The following CRTAC1 variants were observed in gnomAD, a reference collection of about 807,000 sequenced individuals.
CRTAC1 encodes cartilage acidic protein 1, also known as acidic secreted protein in cartilage.
CRTAC1 carries 37 observed loss-of-function variants against 67.8 expected under a neutral mutation model. The ratio of observed to expected loss-of-function variants is 0.55; its 90% CI spans 0.42 to 0.72. CRTAC1 has a LOEUF of 0.72. CRTAC1 is among the 30% of genes least tolerant of loss of function. The pLI, the probability that CRTAC1 is intolerant of heterozygous loss-of-function variation, is 0.00. For missense variants in CRTAC1, 780 were observed against 931.6 expected (o/e 0.84, Z 2.12); for synonymous variants, 348 against 371.0 (o/e 0.94, Z 0.71).
At chr10:97,961,494 C>T (rs1411981649) in intron 2 of CRTAC1, among the ~76,000 whole-genome samples, 3 of 152,000 alleles carry the variant, frequency 2.0e-5, no homozygotes, top group Non-Finnish European at 4.4e-5. Flanking sequence ...AATATATGAG[C>T]TATATTAGAA....
Position 97,944,901 on chromosome 10 carries a change from A to G in CRTAC1, c.225-8535T>C, listed in dbSNP as rs188015500. On this transcript the variant is annotated intron_variant, in intron 2 of 14. Transcript: ENST00000370597. ...TGATATGTGAGCAAGAACTTCTCAA[A>G]TCTTCCAGCCTAGCTCACTGACAGC... 7.9e-5 allele frequency among the ~76,000 whole-genome samples: 12 copies of G among 152,282 alleles called. 1 individual carries two copies. Among genetic ancestry groups the G allele is most frequent in the Non-Finnish European group, 1.5e-5 (1 of 68,032 alleles).
intron 11 of CRTAC1, among the ~76,000 whole-genome samples, chr10:97,894,729 T>A (rs543260306): frequency 4.4e-5 from 1 of 22,968 alleles, no homozygotes; most frequent in East Asian, 1.5e-3. Context: ...TATATATATA[T>A]ATATATATAT....
chr10:98,030,433 C>T lies in CRTAC1; in HGVS notation c.24+16G>A, dbSNP rs967552723. ...TTCTCCGCCTTAGGGTGGGGGGCAC[C>T]GGTGCAGATACTCACGCCGGGGTCA... On this transcript the variant is annotated intron_variant, in intron 1 of 14. Coordinates refer to ENST00000370597, the MANE Select transcript of CRTAC1 (RefSeq NM_018058.7). The surrounding 1 kb of genome is among the most constrained non-coding windows in gnomAD (Gnocchi z 4.2). The T allele has an allele frequency of 1.2e-5, 15 of 1,248,494 alleles. No individual in the cohort carries two copies. The African/African-American group carries it at 1.9e-4, about 15-fold the overall frequency. 77.3% of individuals were successfully genotyped at this position (1,248,494 alleles called of 1,614,324 possible).
intron 2 of CRTAC1, among the ~76,000 whole-genome samples, chr10:97,971,493 G>A (rs1307624040): frequency 3.9e-5 from 6 of 152,180 alleles, no homozygotes; most frequent in Non-Finnish European, 8.8e-5. Context: ...GGCTGCCAGG[G>A]GCCGGCGCGA....
At chr10:97,884,458 C>T in intron 11 of CRTAC1, 107 bp from the exon 12 acceptor site, 2 of 1,088,460 alleles carry the variant, frequency 1.8e-6, no homozygotes, top group Non-Finnish European at 2.7e-6. Flanking sequence ...ATGAATTGAG[C>T]ACTGTTCTAA....
chr10:97,904,250 C>T (rs2050578934), intron 7 of CRTAC1, among the ~76,000 whole-genome samples: 1 of 152,012 alleles, frequency 6.6e-6, no homozygotes, highest in Admixed American at 6.5e-5. Context: ...AGTCCCTCGT[C>T]CCCTGGTGTA....
At chr10:97,909,204 C>G (rs1437189720) in intron 5 of CRTAC1, among the ~76,000 whole-genome samples, 1 of 152,124 alleles carries the variant, frequency 6.6e-6, no homozygotes, top group African/African-American at 2.4e-5. Context: ...GAACAAACCA[C>G]CCCCACCCAG....
chr10:98,012,647 G>A (rs563296), intron 1 of CRTAC1, among the ~76,000 whole-genome samples: 80,290 of 152,004 alleles, frequency 0.53, 21,872 homozygotes, highest in African/African-American at 0.6. Flanking sequence ...TGCTCCTGCC[G>A]GCAAATGAGC....
chr10:97,898,821 C>G (rs940445475), intron 8 of CRTAC1, among the ~76,000 whole-genome samples: 5 of 152,062 alleles, frequency 3.3e-5, no homozygotes, highest in Non-Finnish European at 7.4e-5. Context: ...AAGGGGGTGA[C>G]CCTGCACACC....
rs1326029475 is a variant in CRTAC1 at position 98,030,409 on chromosome 10, T to A, written c.24+40A>T. On this transcript the variant is annotated intron_variant, in intron 1 of 14. Transcript: ENST00000370597. The surrounding 1 kb of genome is among the most constrained non-coding windows in gnomAD (Gnocchi z 4.2). ...GGGGCGCGCAGAGCTGGAGAAACTTTCTCCGCCTTAGGGTGGGGGGCACCG... is the reference window on the plus strand; with the variant it reads ...GGGGCGCGCAGAGCTGGAGAAACTTACTCCGCCTTAGGGTGGGGGGCACCG... 4.1e-6 allele frequency: 5 copies of A among 1,227,684 alleles called. No individual in the cohort carries two copies. The East Asian group carries it at 1.6e-4, about 39-fold the overall frequency. 76.0% of individuals were successfully genotyped at this position (1,227,684 alleles called of 1,614,324 possible).
At chr10:98,025,758 C>T (rs1044664098) in intron 1 of CRTAC1, among the ~76,000 whole-genome samples, 12 of 152,218 alleles carry the variant, frequency 7.9e-5, no homozygotes, top group African/African-American at 2.9e-4. Flanking sequence ...TCGGTGAGCA[C>T]GAATTTGTCA....
At chr10:97,936,503 C>T (rs182804324) in intron 2 of CRTAC1, 137 bp from the exon 3 acceptor site, 29 of 638,330 alleles carry the variant, frequency 4.5e-5, no homozygotes, top group African/African-American at 2.4e-4. Context: ...CCAGGGAACA[C>T]GGCCAGCCTT....
At chr10:97,878,582 T>C in intron 14 of CRTAC1, 1 of 1,297,336 alleles carries the variant, frequency 7.7e-7, no homozygotes, top group Non-Finnish European at 1.0e-6. Flanking sequence ...CTACTGAGGC[T>C]GGTCGTGAGC....
chr10:98,011,437 T>C, intron 1 of CRTAC1, 100 bp from the exon 2 acceptor site: 5 of 1,384,676 alleles, frequency 3.6e-6, no homozygotes, highest in South Asian at 2.6e-5. Flanking sequence ...TTCTCTCCCA[T>C]TCATGGAGAG....
chr10:98,013,536 C>A (rs1414523054), intron 1 of CRTAC1, among the ~76,000 whole-genome samples: 1 of 152,188 alleles, frequency 6.6e-6, no homozygotes, highest in Admixed American at 6.5e-5. Context: ...AGAAATAATG[C>A]ACCCATTGGC....
chr10:97,881,783 C>G (rs956392357), intron 13 of CRTAC1, among the ~76,000 whole-genome samples: 3 of 152,112 alleles, frequency 2.0e-5, no homozygotes, highest in African/African-American at 7.2e-5. Flanking sequence ...TCCACCTCCC[C>G]ACCTGTGCTC....
chr10:97,934,918 A>C (rs1445031936), intron 3 of CRTAC1, among the ~76,000 whole-genome samples: 1 of 134,088 alleles, frequency 7.5e-6, no homozygotes, highest in Admixed American at 8.3e-5. Context: ...TGAGATCCTG[A>C]GAGCTGAGCC....
Position 97,894,708 on chromosome 10 carries a change from TTACATATATATATATATATA to T in CRTAC1, c.1486+517_1486+536del, listed in dbSNP as rs1322240029. On this transcript the variant is annotated intron_variant, in intron 11 of 14. Coordinates refer to ENST00000370597, the MANE Select transcript of CRTAC1 (RefSeq NM_018058.7). The stretch of plus-strand genomic sequence containing the variant: ...CCACTGTGCCCAGCCCCTGATGCTT[TTACATATATATATATATATA>T]TATATATATATATATATATATATAT... Among the ~76,000 whole-genome samples the T allele has an allele frequency of 6.6e-3, 263 of 39,984 alleles. 10 individuals are homozygous for T. The highest frequency in any genetic ancestry group is 0.024 in the East Asian group (38 of 1,554). 26.2% of individuals were successfully genotyped at this position (39,984 alleles called of 152,430 possible). A position where few individuals can be genotyped will look rare whatever the true frequency, so the allele number is the denominator to read the frequency against.
At position 97,988,045 on chromosome 10, in the gene CRTAC1, C is replaced by T. The variant is rs75985471; in HGVS notation, c.224+23093G>A. Among the ~76,000 whole-genome samples the T allele has an allele frequency of 1.8e-3, 268 of 152,222 alleles. 1 individual carries two copies. The highest frequency in any genetic ancestry group is 6.1e-3 in the African/African-American group (255 of 41,546). On this transcript the variant is annotated intron_variant, in intron 2 of 14. Coordinates refer to ENST00000370597, the MANE Select transcript of CRTAC1 (RefSeq NM_018058.7). ...GGTGCCAGACTTATGGAGAAAGATG[C>T]TCTGAAATAATTAAGTGGACAGGCC... is the stretch of plus-strand genomic sequence containing the variant.
Sources: allele counts gnomAD v4.1 joint callset (sites outside exome capture counted in the v4.1 genomes callset), GRCh38; gene constraint gnomAD v4.1.1; non-coding constraint Gnocchi (gnomAD v3.1); transcripts MANE v1.5; gene names NCBI Gene and HGNC (gene_info 2026-07-23, HGNC 2026-07-21).